Variants in CDH11 observed in about 807,000 individuals in gnomAD.
CDH11 encodes the protein cadherin 11, also known as cadherin-11.
In CDH11, 11 loss-of-function variants were observed where a neutral mutation model predicts 67.8. The ratio of observed to expected loss-of-function variants is 0.16; its 90% confidence interval spans 0.10 to 0.27. The LOEUF (loss-of-function observed/expected upper bound fraction) is 0.27. Ranked by LOEUF, CDH11 falls within the 10% of genes least tolerant of loss-of-function variation. The probability of loss-of-function intolerance (pLI) is 1.00; values close to 1 mark genes in which losing one functional copy is unlikely to be tolerated. For synonymous variants in CDH11, 419 were observed against 400.0 expected, an observed-to-expected ratio of 1.05 and a Z score of -0.57; for missense variants, 847 against 1,031.2, an observed-to-expected ratio of 0.82 and a Z score of 2.45.
chr16:65,067,253 T>C (rs2142756721), intron 1 of CDH11, among the ~76,000 whole-genome samples: 1 of 151,908 alleles, frequency 6.6e-6, no homozygotes, highest in South Asian at 2.1e-4. Context: ...TTTGAATTTT[T>C]ACAGAACCTC....
Position 64,946,564 on chromosome 16 carries a change from C to T in CDH11, c.*1039G>A, listed in dbSNP as rs1320336469. 9.7e-7 allele frequency: 1 copy of T among 1,033,358 alleles called. No individual in the cohort carries two copies. The highest frequency in any genetic ancestry group is 1.2e-6 in the Non-Finnish European group (1 of 859,084). 64.0% of individuals were successfully genotyped at this position (1,033,358 alleles called of 1,614,324 possible). ...GTGAAGAGAAGCCAGGAGGTTAACA[C>T]CAAGAATGTACAAAAAAGCTTTACA... is the stretch of plus-strand genomic sequence containing the variant. On this transcript the variant is annotated 3_prime_UTR_variant, in exon 13 of 13. Transcript: ENST00000268603.
At chr16:65,075,704 C>T (rs2074496340) in intron 1 of CDH11, among the ~76,000 whole-genome samples, 1 of 152,198 alleles carries the variant, frequency 6.6e-6, no homozygotes, top group South Asian at 2.1e-4. Flanking sequence ...AATCCTAATG[C>T]TCCCAGGATG....
At chr16:64,948,247 C>G in intron 12 of CDH11, 148 bp from the exon 13 acceptor site, 1 of 1,065,754 alleles carries the variant, frequency 9.4e-7, no homozygotes, top group Non-Finnish European at 1.3e-6. Context: ...GCCTGGAATC[C>G]CTAAGGATGT....
At chr16:65,063,258 TG>T (rs147271993) in intron 1 of CDH11, among the ~76,000 whole-genome samples, 3,228 of 152,300 alleles carry the variant, frequency 0.021, 124 homozygotes, top group African/African-American at 0.073. Flanking sequence ...TTCTCAAGGA[TG>T]TTTTTTTCTT....
At position 64,946,783 on chromosome 16, in the gene CDH11, A is replaced by T. The variant is rs1205131827; in HGVS notation, c.*820T>A. On this transcript the variant is annotated 3_prime_UTR_variant, in exon 13 of 13. Coordinates refer to ENST00000268603, the MANE Select transcript of CDH11 (RefSeq NM_001797.4). Reference sequence around the variant, plus strand: ...ATGTTAAGAATCAAACCCAGAATTAAAAAAAAATCTTTTTTTATTTCAAAG... The same window carrying T: ...ATGTTAAGAATCAAACCCAGAATTATAAAAAAATCTTTTTTTATTTCAAAG... The T allele has an allele frequency of 1.1e-6, 1 of 887,796 alleles. No individual in the cohort carries two copies. Among genetic ancestry groups the T allele is most frequent in the Non-Finnish European group, 1.4e-6 (1 of 729,958 alleles). The allele number at this position is 887,796 out of a possible 1,614,324, so 55.0% of individuals were successfully genotyped here.
chr16:64,984,162 C>A lies in CDH11; in HGVS notation c.1000-1861G>T, dbSNP rs531627342. ...TGCCTTGTGAAGTCCTCCTCAACAG[C>A]CCCAGATAGATTTGTGTGGCCCCCT... On this transcript the variant is annotated intron_variant, in intron 7 of 12. Transcript: ENST00000268603. Among the ~76,000 whole-genome samples the A allele has an allele frequency of 6.6e-5, 10 of 152,304 alleles. No individual in the cohort carries two copies. The South Asian group carries it at 2.1e-3, about 32-fold the overall frequency.
At chr16:65,053,680 T>A in intron 2 of CDH11, 124 bp downstream of exon 2, 1 of 397,922 alleles carries the variant, frequency 2.5e-6, no homozygotes, top group Non-Finnish European at 5.1e-6. Flanking sequence ...CCTCTCAGAT[T>A]CTACTTTTGG....
chr16:65,041,313 A>G (rs1318835336), intron 2 of CDH11, among the ~76,000 whole-genome samples: 1 of 151,860 alleles, frequency 6.6e-6, no homozygotes, highest in Non-Finnish European at 1.5e-5. Flanking sequence ...ACCTCTTCCA[A>G]AGACCAGCAC....
chr16:64,985,890 T>A (rs1448818354), intron 7 of CDH11: 1 of 151,650 alleles, frequency 6.6e-6, no homozygotes, highest in East Asian at 1.9e-4. Flanking sequence ...TTAATTATTG[T>A]ATCACTTCAC....
At chr16:65,109,968 A>C (rs879486246) in intron 1 of CDH11, among the ~76,000 whole-genome samples, 2 of 152,064 alleles carry the variant, frequency 1.3e-5, no homozygotes, top group Admixed American at 1.3e-4. Flanking sequence ...TGCAGCCTCG[A>C]CCTCTCCGGC....
chr16:65,041,778 A>G (rs1337059795), intron 2 of CDH11, among the ~76,000 whole-genome samples: 2 of 152,222 alleles, frequency 1.3e-5, no homozygotes, highest in Admixed American at 6.5e-5. Flanking sequence ...AGAGTATTAC[A>G]GATGCACAGA....
At chr16:65,101,663 T>C (rs1157533662) in intron 1 of CDH11, among the ~76,000 whole-genome samples, 1 of 152,212 alleles carries the variant, frequency 6.6e-6, no homozygotes, top group Non-Finnish European at 1.5e-5. Context: ...GCCAAGATGA[T>C]GACTATCTTC....
chr16:65,005,570 G>A (rs1041787919), intron 2 of CDH11, among the ~76,000 whole-genome samples: 10 of 152,150 alleles, frequency 6.6e-5, no homozygotes, highest in Non-Finnish European at 1.2e-4. Context: ...CGAAGAAGGC[G>A]GGCAGGCAAT....
chr16:64,995,309 A>T (rs1162769238), intron 4 of CDH11, among the ~76,000 whole-genome samples: 1 of 152,216 alleles, frequency 6.6e-6, no homozygotes, highest in Non-Finnish European at 1.5e-5. Context: ...AAAAGAAAAA[A>T]GTTGGAGGAG....
chr16:64,944,082 G>C lies in CDH11; in HGVS notation c.*3521C>G, dbSNP rs1256092663. The C allele has an allele frequency of 1.3e-5, 3 of 232,726 alleles. No individual in the cohort carries two copies. Among genetic ancestry groups the C allele is most frequent in the Non-Finnish European group, 2.5e-5 (3 of 117,820 alleles). 14.4% of individuals were successfully genotyped at this position (232,726 alleles called of 1,614,324 possible). A position where few individuals can be genotyped will look rare whatever the true frequency, so the allele number is the denominator to read the frequency against. ...AGGAGGATGGAGTGGAATGACACTG[G>C]AGAGGTTCGCAGGGCCCTGTTCATG... On this transcript the variant is annotated 3_prime_UTR_variant, in exon 13 of 13. Transcript: ENST00000268603.
chr16:65,115,439 G>C (rs754058203), intron 1 of CDH11, among the ~76,000 whole-genome samples: 1 of 152,104 alleles, frequency 6.6e-6, no homozygotes, highest in Non-Finnish European at 1.5e-5. Context: ...ACTGCTACCT[G>C]TTCTCATTAG....
intron 8 of CDH11, among the ~76,000 whole-genome samples, chr16:64,979,389 G>GT (rs2072265763): frequency 6.6e-6 from 1 of 152,212 alleles, no homozygotes; most frequent in South Asian, 2.1e-4. Flanking sequence ...ATAGGTTGGA[G>GT]TGAGCTGAGA....
chr16:64,983,875 T>C (rs1304920142), intron 7 of CDH11, among the ~76,000 whole-genome samples: 1 of 152,246 alleles, frequency 6.6e-6, no homozygotes, highest in East Asian at 1.9e-4. Flanking sequence ...GGGTAATTTA[T>C]AATCAGAAAA....
Position 64,962,672 on chromosome 16 carries a change from A to G in CDH11, c.1642+8907T>C, listed in dbSNP as rs542026112. 2.0e-5 allele frequency among the ~76,000 whole-genome samples: 3 copies of G among 152,254 alleles called. No individual in the cohort carries two copies. In the South Asian group the frequency reaches 6.2e-4, roughly 32 times the overall value. ...TATTAGAGAAAAATTCCCTCATGCT[A>G]TCAGTAGGAGGAGGGAAAAAGGAAC... On this transcript the variant is annotated intron_variant, in intron 11 of 12. Coordinates refer to ENST00000268603, the MANE Select transcript of CDH11 (RefSeq NM_001797.4).
Sources: allele counts gnomAD v4.1 joint callset (sites outside exome capture counted in the v4.1 genomes callset), GRCh38; gene constraint gnomAD v4.1.1; transcripts MANE v1.5; gene names NCBI Gene and HGNC (gene_info 2026-07-23, HGNC 2026-07-21).